Variants in FRMD5 observed in about 807,000 individuals in gnomAD.
FRMD5 encodes FERM domain-containing protein 5.
In FRMD5, 20 loss-of-function variants were observed where a neutral mutation model predicts 69.0. The ratio of observed to expected loss-of-function variants is 0.29; its 90% CI spans 0.20 to 0.42. The LOEUF (loss-of-function observed/expected upper bound fraction) is 0.42. FRMD5 is among the 10% of genes least tolerant of loss of function. The pLI is 1.00. For synonymous variants in FRMD5, 271 were observed against 260.1 expected (o/e 1.04, Z -0.40); for missense variants, 595 against 708.6 (o/e 0.84, Z 1.82).
chr15:43,965,576 CTTT>C (rs35986581), intron 1 of FRMD5, among the ~76,000 whole-genome samples: 14 of 110,368 alleles, frequency 1.3e-4, no homozygotes, highest in African/African-American at 3.4e-4. Context: ...TTTAAAAAGT[CTTT>C]TTTTTTTTTT....
In FRMD5 at chr15:44,176,058, A is replaced by T. The variant is rs569214991; in HGVS notation, c.102+18895T>A. Among the ~76,000 whole-genome samples the T allele has an allele frequency of 6.6e-5, 10 of 152,318 alleles. No individual in the cohort carries two copies. In the South Asian group the frequency reaches 1.0e-3, roughly 16 times the overall value. The stretch of plus-strand genomic sequence containing the variant: ...GATTCTAAAATTCATATGGAAATGC[A>T]ATAAACCAAGAATAGCCAAAATAAT... On this transcript the variant is annotated intron_variant, in intron 1 of 13. Coordinates refer to ENST00000417257, the MANE Select transcript of FRMD5 (RefSeq NM_032892.5).
chr15:43,879,527 C>T, intron 13 of FRMD5: 1 of 399,090 alleles, frequency 2.5e-6, no homozygotes, highest in Non-Finnish European at 4.4e-6. Context: ...GATTCCCTTG[C>T]CCGGGGGTCA....
At chr15:43,952,975 C>T (rs1024660803) in intron 1 of FRMD5, among the ~76,000 whole-genome samples, 1 of 152,224 alleles carries the variant, frequency 6.6e-6, no homozygotes, top group Non-Finnish European at 1.5e-5. Flanking sequence ...TAGCCTCTGC[C>T]ATCCACTGCT....
chr15:44,086,923 T>A (rs1248945391), intron 1 of FRMD5, among the ~76,000 whole-genome samples: 2 of 152,168 alleles, frequency 1.3e-5, no homozygotes, highest in Non-Finnish European at 2.9e-5. Flanking sequence ...GGATTTCCAT[T>A]CACTGTAAAA....
At chr15:44,001,064 CTTG>C (rs1252365468) in intron 1 of FRMD5, among the ~76,000 whole-genome samples, 3 of 152,294 alleles carry the variant, frequency 2.0e-5, no homozygotes, top group East Asian at 3.9e-4. Flanking sequence ...CTCACCAATA[CTTG>C]TTATCTTTTG....
chr15:43,990,728 G>T (rs1889634526), intron 1 of FRMD5, among the ~76,000 whole-genome samples: 1 of 152,180 alleles, frequency 6.6e-6, no homozygotes, highest in Non-Finnish European at 1.5e-5. Context: ...CATGGAAAAT[G>T]AAGAGAAGAT....
At position 43,987,687 on chromosome 15, in the gene FRMD5, C is replaced by A. The variant is rs1003488427; in HGVS notation, c.103-63378G>T. Among the ~76,000 whole-genome samples, 4 of 151,940 alleles carry A rather than the reference C, an allele frequency of 2.6e-5. No individual in the cohort carries two copies. The East Asian group carries it at 5.8e-4, about 22-fold the overall frequency. On this transcript the variant is annotated intron_variant, in intron 1 of 13. Coordinates refer to ENST00000417257, the MANE Select transcript of FRMD5 (RefSeq NM_032892.5). ...GCCTCAGCCTCCCAAGTAGCTGGGA[C>A]TATAGGCATGCATCACCACGCCTGG...
At chr15:44,164,885 C>G (rs578011472) in intron 1 of FRMD5, among the ~76,000 whole-genome samples, 4 of 152,292 alleles carry the variant, frequency 2.6e-5, no homozygotes, top group African/African-American at 9.6e-5. Flanking sequence ...ACTGTGGCAC[C>G]GGTGCCTAGT....
intron 1 of FRMD5, among the ~76,000 whole-genome samples, chr15:43,974,212 A>G (rs981911457): frequency 6.6e-6 from 1 of 152,134 alleles, no homozygotes; most frequent in Non-Finnish European, 1.5e-5. Context: ...TCCCATGAGA[A>G]TAAAAATCTC....
chr15:43,901,933 G>A (rs2089055144), intron 7 of FRMD5: 2 of 488,638 alleles, frequency 4.1e-6, no homozygotes, highest in Non-Finnish European at 7.3e-6. Flanking sequence ...CGGGGCCCTA[G>A]CTTTGGATTT....
intron 1 of FRMD5, among the ~76,000 whole-genome samples, chr15:44,066,788 T>TA (rs927244938): frequency 1.6e-4 from 25 of 152,088 alleles, no homozygotes; most frequent in Non-Finnish European, 3.5e-4. Context: ...CTGAGAGGGT[T>TA]ACTACAATAT....
chr15:43,922,774 G>A (rs1465049389), intron 2 of FRMD5, among the ~76,000 whole-genome samples: 1 of 151,522 alleles, frequency 6.6e-6, no homozygotes, highest in Non-Finnish European at 1.5e-5. Context: ...GGGTTCGAGT[G>A]ATTCTCATGT....
intron 1 of FRMD5, among the ~76,000 whole-genome samples, chr15:44,099,820 T>C (rs758052916): frequency 1.3e-5 from 2 of 152,130 alleles, no homozygotes; most frequent in Non-Finnish European, 2.9e-5. Flanking sequence ...ATCTGAACAA[T>C]CTGGAATTAA....
At chr15:44,119,548 G>A (rs541450147) in intron 1 of FRMD5, among the ~76,000 whole-genome samples, 7 of 152,078 alleles carry the variant, frequency 4.6e-5, no homozygotes, top group Admixed American at 3.9e-4. Context: ...AATATCCCTG[G>A]GAGGGATATT....
intron 1 of FRMD5, among the ~76,000 whole-genome samples, chr15:43,947,587 GAAGA>G (rs1188628979): frequency 6.6e-6 from 1 of 152,162 alleles, no homozygotes; most frequent in Non-Finnish European, 1.5e-5. Context: ...AAAGAAGAAT[GAAGA>G]AAGAAAGAAA....
chr15:44,147,891 A>G (rs1218209662), intron 1 of FRMD5, among the ~76,000 whole-genome samples: 3 of 152,190 alleles, frequency 2.0e-5, no homozygotes, highest in Non-Finnish European at 4.4e-5. Context: ...CTGCTTGCAC[A>G]TAGCTTGCAG....
intron 1 of FRMD5, among the ~76,000 whole-genome samples, chr15:43,996,300 C>T (rs1889922486): frequency 6.6e-6 from 1 of 152,116 alleles, no homozygotes; most frequent in Admixed American, 6.5e-5. Flanking sequence ...TGGGGCCTAC[C>T]CAGTGATGGG....
At chr15:44,044,952 G>A (rs971250625) in intron 1 of FRMD5, among the ~76,000 whole-genome samples, 1 of 152,080 alleles carries the variant, frequency 6.6e-6, no homozygotes, top group Non-Finnish European at 1.5e-5. Context: ...AATATGACAT[G>A]TTCTATGTTC....
At chr15:43,943,821 A>G (rs575662877) in intron 1 of FRMD5, among the ~76,000 whole-genome samples, 42 of 152,374 alleles carry the variant, frequency 2.8e-4, no homozygotes, top group African/African-American at 9.4e-4. Context: ...TTCCAGAACT[A>G]TGACAGAATA....
Sources: allele counts gnomAD v4.1 joint callset (sites outside exome capture counted in the v4.1 genomes callset), GRCh38; gene constraint gnomAD v4.1.1; transcripts MANE v1.5; gene names NCBI Gene and HGNC (gene_info 2026-07-23, HGNC 2026-07-21).